OPCML: variants seen among roughly 807,000 people sequenced by gnomAD.
OPCML encodes opioid binding protein/cell adhesion molecule like.
A neutral mutation model predicts 37.8 loss-of-function variants in OPCML; 13 were observed. The observed-to-expected ratio is 0.34, with a 90% confidence interval of 0.22 to 0.55. The LOEUF is 0.55. Among genes scored for constraint, OPCML ranks in the 20% least tolerant of loss-of-function variants. The pLI, the probability that OPCML is intolerant of heterozygous loss-of-function variation, is 0.91. For missense variants in OPCML, 341 were observed against 435.6 expected (o/e 0.78, Z 1.93); for synonymous variants, 176 against 168.8 (o/e 1.04, Z -0.33).
intron 1 of OPCML, among the ~76,000 whole-genome samples, chr11:133,508,594 C>T (rs146349821): frequency 6.6e-5 from 10 of 152,322 alleles, no homozygotes; most frequent in Non-Finnish European, 1.0e-4. Flanking sequence ...TCTGGGCTGC[C>T]GCAGGCAATG....
chr11:133,348,044 C>A (rs1055894701), intron 1 of OPCML, among the ~76,000 whole-genome samples: 1 of 152,068 alleles, frequency 6.6e-6, no homozygotes. Context: ...GTTGTATATG[C>A]ATTCTATTAA....
chr11:132,509,972 C>T (rs897003094), intron 4 of OPCML, among the ~76,000 whole-genome samples: 2 of 152,148 alleles, frequency 1.3e-5, no homozygotes, highest in Non-Finnish European at 1.5e-5. Context: ...ACCACAGATA[C>T]TCAATGCCTG....
intron 1 of OPCML, among the ~76,000 whole-genome samples, chr11:133,090,415 G>A (rs538210486): frequency 1.2e-4 from 18 of 152,302 alleles, no homozygotes; most frequent in African/African-American, 4.1e-4. Flanking sequence ...GAAGAAAAGA[G>A]CTTTACAGAC....
chr11:132,543,063 G>GAA (rs2096360801), intron 3 of OPCML, among the ~76,000 whole-genome samples: 1 of 151,820 alleles, frequency 6.6e-6, no homozygotes, highest in South Asian at 2.1e-4. Context: ...ATTGTGGGAA[G>GAA]AGGGGAAAGG....
chr11:132,663,240 G>A (rs1296528240), intron 2 of OPCML, among the ~76,000 whole-genome samples: 3 of 152,172 alleles, frequency 2.0e-5, no homozygotes, highest in Non-Finnish European at 4.4e-5. Context: ...CCTCTACCCA[G>A]GAGCTAGTAG....
intron 1 of OPCML, among the ~76,000 whole-genome samples, chr11:133,068,854 C>T (rs915195202): frequency 1.3e-5 from 2 of 152,064 alleles, no homozygotes; most frequent in African/African-American, 4.8e-5. Flanking sequence ...GTCAAGGTGC[C>T]CTAGGAGAAA....
chr11:133,131,904 A>G (rs2137138952), intron 1 of OPCML, among the ~76,000 whole-genome samples: 1 of 152,306 alleles, frequency 6.6e-6, no homozygotes, highest in South Asian at 2.1e-4. Context: ...AAAATTGCAT[A>G]TCCATATGCA....
chr11:132,746,602 G>A (rs1343548443), intron 2 of OPCML, among the ~76,000 whole-genome samples: 2 of 152,018 alleles, frequency 1.3e-5, no homozygotes, highest in Non-Finnish European at 2.9e-5. Flanking sequence ...CAGAGGTCGG[G>A]ATTAGGTTTT....
At chr11:133,216,044 A>C (rs1356193658) in intron 1 of OPCML, among the ~76,000 whole-genome samples, 1 of 152,056 alleles carries the variant, frequency 6.6e-6, no homozygotes, top group African/African-American at 2.4e-5. Flanking sequence ...AGCACAGCAC[A>C]CTCAGAGGGC....
At chr11:133,073,189 A>G (rs1948567627) in intron 1 of OPCML, among the ~76,000 whole-genome samples, 1 of 152,182 alleles carries the variant, frequency 6.6e-6, no homozygotes, top group Non-Finnish European at 1.5e-5. Context: ...TAACGATCTC[A>G]GACTCTGGTT....
intron 2 of OPCML, among the ~76,000 whole-genome samples, chr11:132,735,033 G>A (rs1298394701): frequency 6.6e-6 from 1 of 152,206 alleles, no homozygotes; most frequent in African/African-American, 2.4e-5. Flanking sequence ...TTTCCAGGCA[G>A]AGTTGAAGGT....
intron 7 of OPCML, 97 bp from the exon 8 acceptor site, chr11:132,420,390 C>T (rs1565547034): frequency 6.6e-7 from 1 of 1,506,326 alleles, no homozygotes; most frequent in Non-Finnish European, 8.9e-7. Context: ...TTCCCACCTT[C>T]CACCCTTCCG....
chr11:132,745,284 G>A (rs897867165), intron 2 of OPCML, among the ~76,000 whole-genome samples: 1 of 152,110 alleles, frequency 6.6e-6, no homozygotes, highest in African/African-American at 2.4e-5. Flanking sequence ...ATAAGACCAT[G>A]TTCCATGAAA....
intron 3 of OPCML, among the ~76,000 whole-genome samples, chr11:132,599,067 C>T (rs374075551): frequency 6.1e-4 from 93 of 152,100 alleles, no homozygotes; most frequent in African/African-American, 2.0e-3. Context: ...TCACGTGAGG[C>T]CAGGAGTTCA....
At chr11:132,998,068 T>C (rs1358897295) in intron 1 of OPCML, among the ~76,000 whole-genome samples, 1 of 152,132 alleles carries the variant, frequency 6.6e-6, no homozygotes, top group East Asian at 1.9e-4. Flanking sequence ...CTGATTGGAA[T>C]GTCCTGCGGC....
intron 4 of OPCML, among the ~76,000 whole-genome samples, chr11:132,459,562 AAG>A (rs368324204): frequency 4.6e-4 from 67 of 147,106 alleles, no homozygotes; most frequent in East Asian, 5.9e-4. Context: ...GAGAGAGAGA[AAG>A]AGAGAGAGAG....
chr11:132,593,949 CTCAG>C (rs770459784), intron 3 of OPCML, among the ~76,000 whole-genome samples: 9 of 152,160 alleles, frequency 5.9e-5, no homozygotes, highest in East Asian at 5.8e-4. Flanking sequence ...AACATACTGT[CTCAG>C]TCAATTTTCT....
At chr11:132,489,976 T>C (rs1471449340) in intron 4 of OPCML, among the ~76,000 whole-genome samples, 1 of 152,170 alleles carries the variant, frequency 6.6e-6, no homozygotes. Flanking sequence ...TTGCTGAGAA[T>C]GATGGTTTCC....
At chr11:132,891,203 T>C (rs1377786231) in intron 2 of OPCML, among the ~76,000 whole-genome samples, 1 of 152,222 alleles carries the variant, frequency 6.6e-6, no homozygotes, top group African/African-American at 2.4e-5. Flanking sequence ...CCCAAAAGTG[T>C]CTGGCTGTCT....
Sources: gnomAD v4.1 joint callset for allele counts (sites outside exome capture counted in the v4.1 genomes callset) on GRCh38, gnomAD v4.1.1 for gene constraint, MANE v1.5 for transcripts, NCBI Gene and HGNC (gene_info 2026-07-23, HGNC 2026-07-21) for gene names.